The following CLSTN2 variants were observed in gnomAD, a reference collection of about 807,000 sequenced individuals.
The protein encoded by CLSTN2 is calsyntenin 2.
In CLSTN2, 48 loss-of-function variants were observed where a neutral mutation model predicts 101.2. The observed-to-expected ratio is 0.47, with a 90% CI of 0.38 to 0.60. The LOEUF (loss-of-function observed/expected upper bound fraction) is 0.60. CLSTN2 is among the 20% of genes least tolerant of loss of function. The pLI, the probability that CLSTN2 is intolerant of heterozygous loss-of-function variation, is 0.00. For missense variants in CLSTN2, 1,160 were observed against 1,238.2 expected (o/e 0.94, Z 0.95); for synonymous variants, 481 against 463.6 (o/e 1.04, Z -0.48).
intron 1 of CLSTN2, among the ~76,000 whole-genome samples, chr3:140,060,798 A>G (rs910245246): frequency 6.6e-6 from 1 of 152,236 alleles, no homozygotes. Context: ...CTTTGTACAC[A>G]TAGATACTGA....
chr3:140,066,573 T>G (rs2008303275), intron 1 of CLSTN2, among the ~76,000 whole-genome samples: 2 of 152,186 alleles, frequency 1.3e-5, no homozygotes, highest in Admixed American at 1.3e-4. Context: ...ACAGGAATGT[T>G]TCTGTGAGAA....
At chr3:139,977,832 G>A (rs953969706) in intron 1 of CLSTN2, among the ~76,000 whole-genome samples, 6 of 152,112 alleles carry the variant, frequency 3.9e-5, no homozygotes, top group South Asian at 4.1e-4. Flanking sequence ...CAAACACATT[G>A]TTTTTTATTC....
intron 1 of CLSTN2, among the ~76,000 whole-genome samples, chr3:140,165,739 G>T (rs552386512): frequency 6.1e-4 from 93 of 152,094 alleles, no homozygotes; most frequent in Non-Finnish European, 1.1e-3. Context: ...GGCAGAATCA[G>T]ATTTGCCCTC....
rs911039139 is a variant in CLSTN2 at position 140,429,345 on chromosome 3, G to A, written c.787+8071G>A. ...ATAAAAGCTGCACTGGAGGGACCGT[G>A]GGAAGACAAAGGGGATACTTAACCT... On this transcript the variant is annotated intron_variant, in intron 5 of 16. Coordinates refer to ENST00000458420, the MANE Select transcript of CLSTN2 (RefSeq NM_022131.3). Among the ~76,000 whole-genome samples the A allele has an allele frequency of 2.0e-5, 3 of 152,148 alleles. No homozygotes were observed. In the East Asian group the frequency reaches 5.8e-4, roughly 29 times the overall value.
intron 1 of CLSTN2, among the ~76,000 whole-genome samples, chr3:140,116,285 GA>G (rs1007795118): frequency 3.3e-5 from 5 of 151,910 alleles, no homozygotes; most frequent in Non-Finnish European, 5.9e-5. Flanking sequence ...ACCACAAATG[GA>G]AAAAAATATC....
intron 1 of CLSTN2, among the ~76,000 whole-genome samples, chr3:140,106,539 G>A (rs534636760): frequency 6.6e-5 from 10 of 152,272 alleles, no homozygotes; most frequent in African/African-American, 2.2e-4. Context: ...GGTGAGCACT[G>A]CTCACAGCTT....
At chr3:140,564,552 A>C (rs1265741706) in intron 16 of CLSTN2, among the ~76,000 whole-genome samples, 1 of 152,214 alleles carries the variant, frequency 6.6e-6, no homozygotes, top group Non-Finnish European at 1.5e-5. Flanking sequence ...CTGCCTGAAG[A>C]GTTCACTCAA....
intron 2 of CLSTN2, among the ~76,000 whole-genome samples, chr3:140,351,279 A>T (rs1410511377): frequency 6.6e-6 from 1 of 152,208 alleles, no homozygotes; most frequent in East Asian, 1.9e-4. Flanking sequence ...GTACAAAGAG[A>T]ACATAAGAAC....
At chr3:140,483,231 G>A (rs1373446040) in intron 8 of CLSTN2, among the ~76,000 whole-genome samples, 1 of 152,096 alleles carries the variant, frequency 6.6e-6, no homozygotes. Context: ...AGGTTGCTTG[G>A]TTTCCATGTA....
intron 1 of CLSTN2, among the ~76,000 whole-genome samples, chr3:140,150,630 C>T (rs1259881520): frequency 6.6e-6 from 1 of 152,118 alleles, no homozygotes; most frequent in Non-Finnish European, 1.5e-5. Flanking sequence ...CATCTTAGCC[C>T]AACTCAAGAC....
intron 5 of CLSTN2, among the ~76,000 whole-genome samples, chr3:140,427,787 G>A (rs1300539542): frequency 6.6e-6 from 1 of 152,106 alleles, no homozygotes; most frequent in Non-Finnish European, 1.5e-5. Flanking sequence ...TGGGGAATGG[G>A]TGGTGTTTGG....
At chr3:139,986,624 T>A (rs1033718024) in intron 1 of CLSTN2, among the ~76,000 whole-genome samples, 1 of 152,202 alleles carries the variant, frequency 6.6e-6, no homozygotes, top group African/African-American at 2.4e-5. Flanking sequence ...TAGATTAAAT[T>A]TCTCTGTTGC....
intron 8 of CLSTN2, among the ~76,000 whole-genome samples, chr3:140,524,011 G>A (rs554490382): frequency 1.3e-5 from 2 of 152,274 alleles, no homozygotes; most frequent in East Asian, 3.9e-4. Context: ...GGTATTGTAA[G>A]CACAGATCAG....
At chr3:140,491,726 G>A (rs1359625690) in intron 8 of CLSTN2, among the ~76,000 whole-genome samples, 1 of 152,194 alleles carries the variant, frequency 6.6e-6, no homozygotes, top group Non-Finnish European at 1.5e-5. Context: ...GGAGGCTGAG[G>A]TGGGAGAATC....
chr3:140,492,669 C>A (rs1030373594), intron 8 of CLSTN2, among the ~76,000 whole-genome samples: 4 of 152,180 alleles, frequency 2.6e-5, no homozygotes, highest in East Asian at 1.9e-4. Context: ...AGATGGGTAA[C>A]CTTGGTTTAC....
At chr3:140,320,971 G>A (rs2107923482) in intron 2 of CLSTN2, among the ~76,000 whole-genome samples, 1 of 152,272 alleles carries the variant, frequency 6.6e-6, no homozygotes, top group South Asian at 2.1e-4. Flanking sequence ...TTCACTGGGT[G>A]CCAGAAGTAA....
intron 1 of CLSTN2, among the ~76,000 whole-genome samples, chr3:140,147,317 C>G (rs1391042154): frequency 3.3e-5 from 5 of 152,232 alleles, no homozygotes; most frequent in Admixed American, 3.3e-4. Context: ...TTTCTTTTCT[C>G]TAGCTTCAAA....
At chr3:140,407,482 T>C (rs1195505323) in intron 4 of CLSTN2, among the ~76,000 whole-genome samples, 1 of 152,228 alleles carries the variant, frequency 6.6e-6, no homozygotes, top group African/African-American at 2.4e-5. Context: ...CATGAAATTA[T>C]GGCATTATCA....
intron 9 of CLSTN2, among the ~76,000 whole-genome samples, chr3:140,534,484 T>C (rs74550420): frequency 0.041 from 6,309 of 152,250 alleles, 431 homozygotes; most frequent in African/African-American, 0.14. Flanking sequence ...TAAGAATAAG[T>C]TAAGTTGCAC....
Sources: gnomAD v4.1 joint callset for allele counts (sites outside exome capture counted in the v4.1 genomes callset) on GRCh38, gnomAD v4.1.1 for gene constraint, MANE v1.5 for transcripts, NCBI Gene and HGNC (gene_info 2026-07-23, HGNC 2026-07-21) for gene names.